Variants in HIPK2 observed in about 807,000 individuals in gnomAD.
The protein encoded by HIPK2 is homeodomain interacting protein kinase 2, also known as homeodomain-interacting protein kinase 2.
Under a neutral mutation model 113.7 loss-of-function variants are expected in HIPK2, and 27 were observed. The ratio of observed to expected loss-of-function variants is 0.24; its 90% confidence interval spans 0.17 to 0.33. The LOEUF (loss-of-function observed/expected upper bound fraction) is 0.33, where lower values mean the gene tolerates loss of function less well. Ranked by LOEUF, HIPK2 falls within the 10% of genes least tolerant of loss-of-function variation. HIPK2 has a pLI of 1.00. For synonymous variants in HIPK2, 631 were observed against 642.2 expected, an observed-to-expected ratio of 0.98 and a Z score of 0.26; for missense variants, 1,257 against 1,588.0, an observed-to-expected ratio of 0.79 and a Z score of 3.54.
chr7:139,597,291 G>A (rs1455279602), intron 11 of HIPK2, among the ~76,000 whole-genome samples: 1 of 152,216 alleles, frequency 6.6e-6, no homozygotes, highest in Non-Finnish European at 1.5e-5. Context: ...TACAGGTCTT[G>A]TAGGAGCAGA....
At chr7:139,772,426 G>A (rs1428917639) in intron 1 of HIPK2, among the ~76,000 whole-genome samples, 1 of 152,170 alleles carries the variant, frequency 6.6e-6, no homozygotes, top group East Asian at 1.9e-4. Flanking sequence ...TAAAATTTAA[G>A]TAACAAATAG....
chr7:139,604,194 G>C lies in HIPK2; in HGVS notation c.2142C>G (p.Ile714Met), dbSNP rs74372297. The change falls in exon 10 of 15, where the codon ATC becomes ATG. Residue 714 changes from isoleucine (I) to methionine (M), a missense_variant. Transcript: ENST00000406875. ...QQAWPSGTQQILLPPAWQQLT... is the reference protein window; with the variant it reads ...QQAWPSGTQQMLLPPAWQQLT... Reference sequence around the variant, plus strand: ...GTTGCTGCCATGCTGGGGGAAGCAGGATCTGCTGGGTCCCACTTGGCCAAG... The same window carrying C: ...GTTGCTGCCATGCTGGGGGAAGCAGCATCTGCTGGGTCCCACTTGGCCAAG... 28 of 1,613,450 alleles carry C rather than the reference G, an allele frequency of 1.7e-5. No individual in the cohort carries two copies. Among genetic ancestry groups the C allele is most frequent in the Admixed American group, 5.0e-5 (3 of 59,962 alleles).
At chr7:139,628,882 T>G in intron 5 of HIPK2, 71 bp downstream of exon 5, 1 of 1,305,590 alleles carries the variant, frequency 7.7e-7, no homozygotes, top group Non-Finnish European at 1.1e-6. Context: ...TTATCTTCTA[T>G]TACTATTGCA....
At chr7:139,701,324 G>T (rs1794701272) in intron 2 of HIPK2, among the ~76,000 whole-genome samples, 1 of 152,202 alleles carries the variant, frequency 6.6e-6, no homozygotes, top group Non-Finnish European at 1.5e-5. Context: ...GGGACAGAGA[G>T]GCCACGGTGA....
chr7:139,719,450 T>G (rs1280183051), intron 1 of HIPK2, among the ~76,000 whole-genome samples: 2 of 152,088 alleles, frequency 1.3e-5, no homozygotes, highest in Non-Finnish European at 2.9e-5. Flanking sequence ...TTGACTCTGT[T>G]CTCTCTGGCA....
At chr7:139,578,245 T>C (rs532832708) in intron 13 of HIPK2, among the ~76,000 whole-genome samples, 1 of 152,290 alleles carries the variant, frequency 6.6e-6, no homozygotes, top group East Asian at 1.9e-4. Context: ...CCTGACCTTG[T>C]GATCCACCTG....
In HIPK2 at chr7:139,564,761, A is replaced by G. The variant is rs1798044746; in HGVS notation, c.*8166T>C. On this transcript the variant is annotated 3_prime_UTR_variant, in exon 15 of 15. Coordinates refer to ENST00000406875, the MANE Select transcript of HIPK2 (RefSeq NM_022740.5). Reference sequence around the variant, plus strand: ...TTTAAAAAGTACCAGTCTAAATGTAAACTATAAAACACTTTAACTATAAAA... The same window carrying G: ...TTTAAAAAGTACCAGTCTAAATGTAGACTATAAAACACTTTAACTATAAAA... The G allele has an allele frequency of 6.6e-6, 1 of 152,212 alleles. No individual in the cohort carries two copies. The highest frequency in any genetic ancestry group is 1.5e-5 in the Non-Finnish European group (1 of 68,034). 9.4% of individuals were successfully genotyped at this position (152,212 alleles called of 1,614,324 possible).
chr7:139,652,258 G>T (rs1214001450), intron 2 of HIPK2, among the ~76,000 whole-genome samples: 3 of 152,154 alleles, frequency 2.0e-5, no homozygotes, highest in African/African-American at 7.2e-5. Context: ...TGCTGGGCTG[G>T]GGGAGAATGG....
rs1399687629 is a variant in HIPK2 at position 139,567,242 on chromosome 7, A to C, written c.*5685T>G. On this transcript the variant is annotated 3_prime_UTR_variant, in exon 15 of 15. Transcript: ENST00000406875. ...TGCTCTACGCCCTTGATGCAACTGA[A>C]CTCCTGGCAGCCCTGCTTTGCTCTC... 6.6e-6 allele frequency: 1 copy of C among 151,382 alleles called. No individual in the cohort carries two copies. The highest frequency in any genetic ancestry group is 2.4e-5 in the African/African-American group (1 of 41,132). 9.4% of individuals were successfully genotyped at this position (151,382 alleles called of 1,614,324 possible). A position where few individuals can be genotyped will look rare whatever the true frequency, so the allele number is the denominator to read the frequency against.
At chr7:139,670,682 T>C (rs545954873) in intron 2 of HIPK2, among the ~76,000 whole-genome samples, 2 of 151,918 alleles carry the variant, frequency 1.3e-5, no homozygotes, top group Admixed American at 6.6e-5. Context: ...GGTGTGTAGC[T>C]ACCACCTTTG....
At chr7:139,680,188 G>A (rs1386598923) in intron 2 of HIPK2, among the ~76,000 whole-genome samples, 1 of 152,160 alleles carries the variant, frequency 6.6e-6, no homozygotes, top group African/African-American at 2.4e-5. Flanking sequence ...ACAGGTACCC[G>A]GGAATGTTCC....
chr7:139,720,792 C>T (rs546862173), intron 1 of HIPK2, among the ~76,000 whole-genome samples: 8 of 152,220 alleles, frequency 5.3e-5, no homozygotes, highest in Non-Finnish European at 8.8e-5. Flanking sequence ...CGGAAGGGGG[C>T]GGTCAGAGAG....
intron 9 of HIPK2, among the ~76,000 whole-genome samples, chr7:139,610,418 G>T (rs1799774342): frequency 6.6e-6 from 1 of 152,184 alleles, no homozygotes; most frequent in South Asian, 2.1e-4. Context: ...GGACTGAGCT[G>T]TAGTTCTTTC....
chr7:139,647,787 G>A (rs67438121), intron 2 of HIPK2, among the ~76,000 whole-genome samples: 15,305 of 152,250 alleles, frequency 0.1, 797 homozygotes, highest in Middle Eastern at 0.13. Context: ...AAAAACCTGT[G>A]AGATGTTTGA....
rs778332566 is a variant in HIPK2 at position 139,716,534 on chromosome 7, G to C, written c.501C>G (p.Thr167=). 1.9e-6 allele frequency: 3 copies of C among 1,614,018 alleles called. No individual in the cohort carries two copies. The highest frequency in any genetic ancestry group is 3.3e-5 in the Admixed American group (2 of 60,028). The change falls in exon 2 of 15, where the codon ACC becomes ACG. Residue 167 remains threonine (T), a synonymous_variant. Transcript: ENST00000406875. The surrounding 1 kb of genome is among the most constrained non-coding windows in gnomAD (Gnocchi z 9.3). ...TGTTTTTGGAGGTGGCAGTAGACGT[G>C]GTGGCAGTGGCGACAGTGGCCCCGC... ...NASGATVATA[T]TSTATSKNSG... is the part of the protein sequence containing the mutation.
At chr7:139,587,488 CAAAAAA>C (rs1213368741) in intron 12 of HIPK2, among the ~76,000 whole-genome samples, 2 of 43,998 alleles carry the variant, frequency 4.5e-5, no homozygotes, top group Admixed American at 2.8e-4. Flanking sequence ...GACTGTGTCT[CAAAAAA>C]AAAAAAAAAA....
intron 8 of HIPK2, 22 bp downstream of exon 8, chr7:139,614,264 G>C (rs554701874): frequency 7.0e-7 from 1 of 1,437,058 alleles, no homozygotes; most frequent in African/African-American, 1.4e-5. Context: ...GCAGGTGAGA[G>C]GCTGTGGCTG....
intron 1 of HIPK2, among the ~76,000 whole-genome samples, chr7:139,775,185 G>A (rs1796719517): frequency 6.6e-6 from 1 of 152,186 alleles, no homozygotes; most frequent in Non-Finnish European, 1.5e-5. Flanking sequence ...GAAATCTACA[G>A]GAAAAGCTCT....
intron 1 of HIPK2, among the ~76,000 whole-genome samples, chr7:139,752,727 A>T (rs973294488): frequency 2.5e-5 from 3 of 119,306 alleles, no homozygotes; most frequent in African/African-American, 8.0e-5. Context: ...CACAGCTGAA[A>T]AAAAAAAAAA....
Sources: allele counts gnomAD v4.1 joint callset (sites outside exome capture counted in the v4.1 genomes callset), GRCh38; gene constraint gnomAD v4.1.1; non-coding constraint Gnocchi (gnomAD v3.1); transcripts MANE v1.5; gene names NCBI Gene and HGNC (gene_info 2026-07-23, HGNC 2026-07-21).